Variants in CAMK4 observed in about 807,000 individuals in gnomAD.
CAMK4 encodes calcium/calmodulin-dependent protein kinase type IV.
Under a neutral mutation model 44.9 loss-of-function variants are expected in CAMK4, and 22 were observed. That is an observed-to-expected ratio of 0.49 (90% CI 0.35 to 0.70). The LOEUF is 0.70. Among genes scored for constraint, CAMK4 ranks in the 30% least tolerant of loss-of-function variants. CAMK4 has a pLI of 0.01. For missense variants in CAMK4, 498 were observed against 586.8 expected (o/e 0.85, Z 1.56); for synonymous variants, 218 against 215.4 (o/e 1.01, Z -0.11).
At chr5:111,392,037 C>A (rs1006214446) in intron 4 of CAMK4, among the ~76,000 whole-genome samples, 1 of 80,292 alleles carries the variant, frequency 1.2e-5, no homozygotes, top group Non-Finnish European at 2.4e-5. Flanking sequence ...AGAAGTTTAT[C>A]TTTTTCAAGC....
chr5:111,384,930 G>T (rs1433375479), intron 4 of CAMK4, among the ~76,000 whole-genome samples: 1 of 152,084 alleles, frequency 6.6e-6, no homozygotes, highest in Non-Finnish European at 1.5e-5. Flanking sequence ...ACCTTACCAT[G>T]CTGGCTTTAC....
At chr5:111,470,891 T>C (rs1050095791) in intron 7 of CAMK4, among the ~76,000 whole-genome samples, 1 of 152,230 alleles carries the variant, frequency 6.6e-6, no homozygotes, top group Non-Finnish European at 1.5e-5. Flanking sequence ...AACAGTCTCA[T>C]ATGAAACACG....
At chr5:111,371,165 A>G (rs957801090) in intron 2 of CAMK4, among the ~76,000 whole-genome samples, 2 of 152,110 alleles carry the variant, frequency 1.3e-5, no homozygotes, top group African/African-American at 4.8e-5. Context: ...CATGCTGTCT[A>G]TACCCCATGA....
chr5:111,328,939 C>G (rs1749028249), intron 1 of CAMK4, among the ~76,000 whole-genome samples: 2 of 151,750 alleles, frequency 1.3e-5, no homozygotes, highest in Non-Finnish European at 2.9e-5. Context: ...TGTAGATGTA[C>G]AATCAATATC....
intron 2 of CAMK4, among the ~76,000 whole-genome samples, chr5:111,347,399 C>A (rs1008716136): frequency 6.6e-6 from 1 of 152,052 alleles, no homozygotes; most frequent in Admixed American, 6.6e-5. Context: ...TCTTGTGACT[C>A]TAACTTACTT....
chr5:111,422,458 G>T (rs548748304), intron 5 of CAMK4, among the ~76,000 whole-genome samples: 1 of 152,318 alleles, frequency 6.6e-6, no homozygotes, highest in East Asian at 1.9e-4. Flanking sequence ...TAAAACTCCT[G>T]TTCTAAGCTT....
Position 111,424,475 on chromosome 5 carries a change from C to T in CAMK4, c.460-22211C>T, listed in dbSNP as rs576263527. ...TTTTTTTTTTTTTGAGACAGAGTCT[C>T]GCTCTGTCGCCCAGGCTGGAGTGCA... On this transcript the variant is annotated intron_variant, in intron 5 of 10. Transcript: ENST00000282356. Among the ~76,000 whole-genome samples, 20 of 114,554 alleles carry T rather than the reference C, an allele frequency of 1.7e-4. 1 individual carries two copies. Among genetic ancestry groups the T allele is most frequent in the Admixed American group, 1.4e-3 (11 of 8,086 alleles). 75.2% of individuals were successfully genotyped at this position (114,554 alleles called of 152,430 possible).
At chr5:111,460,786 A>G (rs1385324054) in intron 7 of CAMK4, among the ~76,000 whole-genome samples, 1 of 152,122 alleles carries the variant, frequency 6.6e-6, no homozygotes, top group Non-Finnish European at 1.5e-5. Context: ...AATGACTTCA[A>G]GATAGGAAGG....
intron 1 of CAMK4, among the ~76,000 whole-genome samples, chr5:111,255,898 G>A (rs1055668862): frequency 2.0e-5 from 3 of 152,116 alleles, no homozygotes; most frequent in Non-Finnish European, 4.4e-5. Flanking sequence ...AATCAATAGT[G>A]TTATTGGAAA....
rs1241596092 is a variant in CAMK4 at position 111,473,267 on chromosome 5, A to G, written c.626-44A>G. The stretch of plus-strand genomic sequence containing the variant: ...CATTGCTTGATATTAAAATATAAAT[A>G]TTGACTAAGCTCTAATTTAACACAA... On this transcript the variant is annotated intron_variant, in intron 7 of 10. Coordinates refer to ENST00000282356, the MANE Select transcript of CAMK4 (RefSeq NM_001744.6). 3 of 1,206,708 alleles carry G rather than the reference A, an allele frequency of 2.5e-6. No individual in the cohort carries two copies. The African/African-American group carries it at 4.5e-5, about 18-fold the overall frequency. 74.8% of individuals were successfully genotyped at this position (1,206,708 alleles called of 1,614,324 possible).
At chr5:111,437,881 A>G (rs901347317) in intron 5 of CAMK4, among the ~76,000 whole-genome samples, 1 of 152,136 alleles carries the variant, frequency 6.6e-6, no homozygotes, top group Non-Finnish European at 1.5e-5. Flanking sequence ...GAAGACTTTC[A>G]CAAGGAGAAG....
At position 111,441,697 on chromosome 5, in the gene CAMK4, T is replaced by C. The variant is rs553640379; in HGVS notation, c.460-4989T>C. 2.7e-4 allele frequency among the ~76,000 whole-genome samples: 41 copies of C among 152,340 alleles called. 1 individual carries two copies. The highest frequency in any genetic ancestry group is 9.9e-4 in the African/African-American group (41 of 41,592). ...AATTATGATTACATTGAACACATGG[T>C]TTATTCTAGAATACCCAGTTACCAT... On this transcript the variant is annotated intron_variant, in intron 5 of 10. Coordinates refer to ENST00000282356, the MANE Select transcript of CAMK4 (RefSeq NM_001744.6).
intron 1 of CAMK4, among the ~76,000 whole-genome samples, chr5:111,244,888 A>G (rs528691504): frequency 2.6e-4 from 40 of 152,132 alleles, no homozygotes; most frequent in African/African-American, 9.4e-4. Context: ...ATAAATAAAT[A>G]AATAATATAA....
Position 111,374,931 on chromosome 5 carries a change from A to T in CAMK4, c.303+19A>T. ...AAACATTGTAAGTGGTTTTTAACCTACTATTTCAAATGATTGCCAGAGCTA... is the reference window on the plus strand; with the variant it reads ...AAACATTGTAAGTGGTTTTTAACCTTCTATTTCAAATGATTGCCAGAGCTA... On this transcript the variant is annotated intron_variant, in intron 3 of 10. Transcript: ENST00000282356. 1 of 1,548,992 alleles carries T rather than the reference A, an allele frequency of 6.5e-7. No individual in the cohort carries two copies. Among genetic ancestry groups the T allele is most frequent in the Non-Finnish European group, 8.9e-7 (1 of 1,121,618 alleles).
At chr5:111,362,289 G>A (rs1472118343) in intron 2 of CAMK4, among the ~76,000 whole-genome samples, 3 of 151,998 alleles carry the variant, frequency 2.0e-5, no homozygotes, top group Non-Finnish European at 4.4e-5. Flanking sequence ...AGACAAGGAT[G>A]CTGATTATAG....
intron 1 of CAMK4, among the ~76,000 whole-genome samples, chr5:111,319,466 TTA>T (rs1231919891): frequency 6.6e-6 from 1 of 152,224 alleles, no homozygotes; most frequent in Non-Finnish European, 1.5e-5. Context: ...GTTGTTGTGA[TTA>T]TTATATCAGA....
intron 5 of CAMK4, among the ~76,000 whole-genome samples, chr5:111,421,514 A>G (rs1459259692): frequency 6.6e-6 from 1 of 152,228 alleles, no homozygotes; most frequent in African/African-American, 2.4e-5. Flanking sequence ...AACTGCAAAA[A>G]TGAAAAACAT....
chr5:111,434,506 A>AG (rs1235206986), intron 5 of CAMK4, among the ~76,000 whole-genome samples: 4 of 152,218 alleles, frequency 2.6e-5, no homozygotes, highest in Non-Finnish European at 4.4e-5. Context: ...ACTTTGCCCG[A>AG]AATAGATTCT....
At chr5:111,231,502 A>AATC (rs1748475831) in intron 1 of CAMK4, among the ~76,000 whole-genome samples, 1 of 152,226 alleles carries the variant, frequency 6.6e-6, no homozygotes, top group Non-Finnish European at 1.5e-5. Context: ...TCCTCTTGAG[A>AATC]ATCATGTCTT....
Sources: allele counts gnomAD v4.1 joint callset (sites outside exome capture counted in the v4.1 genomes callset), GRCh38; gene constraint gnomAD v4.1.1; transcripts MANE v1.5; gene names NCBI Gene and HGNC (gene_info 2026-07-23, HGNC 2026-07-21).